The following POGK variants were observed in gnomAD, a reference collection of about 807,000 sequenced individuals.
POGK encodes pogo transposable element with KRAB domain.
POGK carries 16 observed loss-of-function variants against 54.4 expected under a neutral mutation model. The observed-to-expected ratio is 0.29, with a 90% CI of 0.20 to 0.45. POGK has a LOEUF of 0.45. Among genes scored for constraint, POGK ranks in the 20% least tolerant of loss-of-function variants. The pLI, the probability that POGK is intolerant of heterozygous loss-of-function variation, is 1.00. For synonymous variants in POGK, 271 were observed against 302.2 expected (o/e 0.90, Z 1.07); for missense variants, 515 against 795.6 (o/e 0.65, Z 4.24).
Position 166,849,179 on chromosome 1 carries a change from C to T in POGK, c.600C>T (p.Tyr200=), listed in dbSNP as rs538402061. Residue 200 remains tyrosine, a synonymous_variant, in exon 5 of 6, where the codon TAC becomes TAT. Coordinates refer to ENST00000367876, the MANE Select transcript of POGK (RefSeq NM_017542.5). The part of the protein sequence containing the change: ...FQFSRGMRRS[Y]DAGFKLMVVE... ...TCAGCCGGGGCATGCGCCGCAGTTA[C>T]GACGCAGGGTTCAAGCTGATGGTAG... is the stretch of plus-strand genomic sequence containing the variant. 57 of 1,614,166 alleles carry T rather than the reference C, an allele frequency of 3.5e-5. 2 individuals are homozygous for T. The Admixed American group carries it at 8.0e-4, about 23-fold the overall frequency.
intron 1 of POGK, 131 bp from the exon 2 acceptor site, chr1:166,840,824 T>TAAAAA: frequency 2.5e-6 from 3 of 1,177,428 alleles, no homozygotes; most frequent in Non-Finnish European, 3.6e-6. Context: ...GACTCTTGTT[T>TAAAAA]CCTTACTTCC....
intron 2 of POGK, among the ~76,000 whole-genome samples, chr1:166,842,838 C>A (rs1410586161): frequency 6.6e-6 from 1 of 152,028 alleles, no homozygotes; most frequent in African/African-American, 2.4e-5. Flanking sequence ...GATGCCCCCC[C>A]ACCACCACAC....
At chr1:166,847,358 A>G (rs923612196) in intron 3 of POGK, 136 bp from the exon 4 acceptor site, 4 of 629,762 alleles carry the variant, frequency 6.4e-6, no homozygotes, top group East Asian at 2.8e-5. Flanking sequence ...TTTTTCTTTA[A>G]GTATCCCTGA....
chr1:166,851,808 TTC>T (rs1172575370), intron 5 of POGK: 1 of 152,266 alleles, frequency 6.6e-6, no homozygotes, highest in Admixed American at 6.5e-5. Flanking sequence ...TCTTCACACA[TTC>T]TTTTTCTTTC....
At chr1:166,851,772 T>TAAA (rs897798847) in intron 5 of POGK, 1 of 152,260 alleles carries the variant, frequency 6.6e-6, no homozygotes, top group African/African-American at 2.4e-5. Flanking sequence ...CCACCTTTTT[T>TAAA]ACAGAGGACC....
chr1:166,841,106 G>T lies in POGK; in HGVS notation c.132+18G>T. ...GCGGATGGGTAAGTAAGAAGGTGTG[G>T]AGTCCACACAGCCAGCAGATGCAGG... On this transcript the variant is annotated intron_variant, in intron 2 of 5. Transcript: ENST00000367876. 1 of 1,612,426 alleles carries T rather than the reference G, an allele frequency of 6.2e-7. No individual in the cohort carries two copies. The highest frequency in any genetic ancestry group is 8.5e-7 in the Non-Finnish European group (1 of 1,179,416).
At chr1:166,841,165 CAG>C in intron 2 of POGK, 77 bp downstream of exon 2, 1 of 1,565,408 alleles carries the variant, frequency 6.4e-7, no homozygotes, top group East Asian at 2.3e-5. Flanking sequence ...GTCTCCTCCT[CAG>C]ACAGACGTGG....
chr1:166,846,059 G>A (rs1404979277), intron 2 of POGK, among the ~76,000 whole-genome samples: 2 of 152,212 alleles, frequency 1.3e-5, no homozygotes, highest in African/African-American at 4.8e-5. Flanking sequence ...TGGGTTCCAA[G>A]TCTAACACTT....
Position 166,849,401 on chromosome 1 carries a change from G to A in POGK, c.822G>A (p.Gln274=). 1 of 1,614,234 alleles carries A rather than the reference G, an allele frequency of 6.2e-7. No homozygotes were observed. The highest frequency in any genetic ancestry group is 1.1e-5 in the South Asian group (1 of 91,088). The change falls in exon 5 of 6, where the codon CAG becomes CAA. Residue 274 remains glutamine, a synonymous_variant. Transcript: ENST00000367876. ...TGGCCGAATATGTCAGATACATGCA[G>A]GCCAAAGGGGACCCCATCACCCGGG... is the stretch of plus-strand genomic sequence containing the variant. The part of the protein sequence containing the change: ...QRVAEYVRYM[Q]AKGDPITREA...
At chr1:166,846,308 G>A (rs535155932) in intron 2 of POGK, among the ~76,000 whole-genome samples, 5 of 152,330 alleles carry the variant, frequency 3.3e-5, no homozygotes, top group Admixed American at 6.5e-5. Context: ...ATGAGGGTGC[G>A]ATGTCCCATG....
chr1:166,839,891 A>G (rs1383756077), intron 1 of POGK: 1 of 150,254 alleles, frequency 6.7e-6, no homozygotes, highest in Non-Finnish European at 1.5e-5. Context: ...GAGAAATCCG[A>G]ACGCGCCCGG....
At chr1:166,842,023 C>A (rs1439493520) in intron 2 of POGK, among the ~76,000 whole-genome samples, 3 of 151,854 alleles carry the variant, frequency 2.0e-5, no homozygotes, top group African/African-American at 4.8e-5. Context: ...AAAAACAGTG[C>A]AACCACAGGC....
chr1:166,849,871 T>C lies in POGK; in HGVS notation c.1292T>C (p.Met431Thr). 1 of 1,614,202 alleles carries C rather than the reference T, an allele frequency of 6.2e-7. No homozygotes were observed. Among genetic ancestry groups the C allele is most frequent in the Non-Finnish European group, 8.5e-7 (1 of 1,180,040 alleles). The change falls in exon 5 of 6, where the codon ATG becomes ACG. Residue 431 changes from methionine to threonine, a missense_variant. Physicochemically the swap from Met to Thr is moderately conservative, Grantham distance 81 (BLOSUM62 -1). Transcript: ENST00000367876. ...CCCCCGGGGAAGTTTCCCAGTGGGA[T>C]GGAAATTCGCTGCCACCGGTATGGG... Reference protein sequence around the residue: ...YIPPGKFPSGMEIRCHRYGWM... With the variant: ...YIPPGKFPSGTEIRCHRYGWM...
chr1:166,846,601 C>T lies in POGK; in HGVS notation c.133-11C>T. On this transcript the variant is annotated splice_polypyrimidine_tract_variant and intron_variant, in intron 2 of 5. Transcript: ENST00000367876. ...TGTTTGTCATTGTGAAAGGGCTGTT[C>T]ACTCTTCCAGGTACCGGCCCTATTT... 6.2e-7 allele frequency: 1 copy of T among 1,613,984 alleles called. No homozygotes were observed. Among genetic ancestry groups the T allele is most frequent in the South Asian group, 1.1e-5 (1 of 91,054 alleles).
At chr1:166,841,827 A>G (rs1194457856) in intron 2 of POGK, among the ~76,000 whole-genome samples, 1 of 152,142 alleles carries the variant, frequency 6.6e-6, no homozygotes, top group Non-Finnish European at 1.5e-5. Flanking sequence ...CCCTATCCAT[A>G]CAAGCATGGT....
intron 4 of POGK, 51 bp downstream of exon 4, chr1:166,847,643 G>A: frequency 6.9e-7 from 1 of 1,445,440 alleles, no homozygotes; most frequent in Non-Finnish European, 9.7e-7. Context: ...ACATTGTGGA[G>A]TGGGATTTTC....
chr1:166,842,516 G>A (rs2101748042), intron 2 of POGK, among the ~76,000 whole-genome samples: 1 of 152,354 alleles, frequency 6.6e-6, no homozygotes, highest in Non-Finnish European at 1.5e-5. Context: ...TAAGCACAGT[G>A]TGCAGAGTGC....
At chr1:166,848,116 G>T (rs532834566) in intron 4 of POGK, among the ~76,000 whole-genome samples, 17 of 152,280 alleles carry the variant, frequency 1.1e-4, no homozygotes, top group African/African-American at 3.8e-4. Flanking sequence ...GCCTCCAGAC[G>T]GCCAAAATAG....
In POGK at chr1:166,850,300, GCAACTTGGAGGAGGAA is replaced by G; in HGVS notation, c.1722_1737del (p.Ser574ArgfsTer43). 6.2e-7 allele frequency: 1 copy of G among 1,603,428 alleles called. No individual in the cohort carries two copies. The highest frequency in any genetic ancestry group is 8.5e-7 in the Non-Finnish European group (1 of 1,174,150). ...GGGTTCAAGAAGTGCCATATCTCCA[GCAACTTGGAGGAGGAA>G]GACGATGTCCTGTGGGAAATCGAGA... On this transcript the variant is annotated frameshift_variant, in exon 5 of 6. Transcript: ENST00000367876. LOFTEE classifies it high-confidence loss of function.
Sources: gnomAD v4.1 joint callset for allele counts (sites outside exome capture counted in the v4.1 genomes callset) on GRCh38, gnomAD v4.1.1 for gene constraint, MANE v1.5 for transcripts, NCBI Gene and HGNC (gene_info 2026-07-23, HGNC 2026-07-21) for gene names.